STXBP6: variants seen among roughly 807,000 people sequenced by gnomAD.
STXBP6 encodes the protein syntaxin binding protein 6.
A neutral mutation model predicts 26.9 loss-of-function variants in STXBP6; 21 were observed. The observed-to-expected ratio is 0.78, with a 90% CI of 0.55 to 1.12. The LOEUF (loss-of-function observed/expected upper bound fraction) is 1.12. Among genes scored for constraint, STXBP6 ranks in the 50% most tolerant of loss-of-function variants. STXBP6 has a pLI of 0.00. For synonymous variants in STXBP6, 97 were observed against 92.6 expected, an observed-to-expected ratio of 1.05 and a Z score of -0.27; for missense variants, 232 against 257.9, an observed-to-expected ratio of 0.90 and a Z score of 0.69.
At chr14:24,822,849 T>C (rs137989902) in intron 4 of STXBP6, among the ~76,000 whole-genome samples, 6 of 152,238 alleles carry the variant, frequency 3.9e-5, no homozygotes, top group African/African-American at 1.4e-4. Context: ...TAGCACAGCA[T>C]GTTGCTCAGA....
At chr14:24,961,768 C>T (rs1220356203) in intron 2 of STXBP6, among the ~76,000 whole-genome samples, 2 of 151,960 alleles carry the variant, frequency 1.3e-5, no homozygotes, top group African/African-American at 2.4e-5. Flanking sequence ...ATGTAACAAA[C>T]CTGCACGTGT....
rs534504994 is a variant in STXBP6 at position 24,898,926 on chromosome 14, C to T, written c.155-41769G>A. Among the ~76,000 whole-genome samples the T allele has an allele frequency of 4.6e-5, 7 of 152,184 alleles. No homozygotes were observed. In the South Asian group the frequency reaches 1.4e-3, roughly 32 times the overall value. ...CTATAGAAGGAAGAATTTCTATACT[C>T]AGAGGCATCATTACATAGGCATGAT... On this transcript the variant is annotated intron_variant, in intron 2 of 5. Transcript: ENST00000323944.
intron 2 of STXBP6, among the ~76,000 whole-genome samples, chr14:24,939,676 TG>T (rs1225607905): frequency 6.6e-6 from 1 of 152,216 alleles, no homozygotes; most frequent in African/African-American, 2.4e-5. Flanking sequence ...AAACAAAATG[TG>T]GGTAACATTC....
chr14:24,996,885 A>AAG (rs2074618869), intron 1 of STXBP6, among the ~76,000 whole-genome samples: 1 of 151,338 alleles, frequency 6.6e-6, no homozygotes, highest in Non-Finnish European at 1.5e-5. Context: ...AAAAAAAAAA[A>AAG]AGAGAAGGGA....
At chr14:24,999,153 CTG>C (rs1409229793) in intron 1 of STXBP6, among the ~76,000 whole-genome samples, 1 of 152,136 alleles carries the variant, frequency 6.6e-6, no homozygotes, top group African/African-American at 2.4e-5. Flanking sequence ...AGCTGAAAAA[CTG>C]TTAGTCAAAC....
intron 1 of STXBP6, among the ~76,000 whole-genome samples, chr14:25,048,562 A>T (rs1052104257): frequency 6.6e-6 from 1 of 152,204 alleles, no homozygotes. Context: ...AAATCCTGGC[A>T]CTTGAGCAGT....
chr14:24,977,608 C>G (rs1043290549), intron 1 of STXBP6, among the ~76,000 whole-genome samples: 1 of 152,124 alleles, frequency 6.6e-6, no homozygotes, highest in African/African-American at 2.4e-5. Flanking sequence ...CACCTACCTC[C>G]TGGAACTAAA....
At chr14:24,841,095 G>A (rs2068770458) in intron 4 of STXBP6, among the ~76,000 whole-genome samples, 1 of 152,172 alleles carries the variant, frequency 6.6e-6, no homozygotes, top group African/African-American at 2.4e-5. Flanking sequence ...TTTGGGTTCA[G>A]TGTGCTTCAT....
At chr14:24,928,404 C>T (rs887127183) in intron 2 of STXBP6, among the ~76,000 whole-genome samples, 7 of 151,046 alleles carry the variant, frequency 4.6e-5, no homozygotes, top group Non-Finnish European at 8.8e-5. Flanking sequence ...TTTTTTCCTC[C>T]AAGTTTTCTT....
chr14:24,982,206 C>T (rs927415934), intron 1 of STXBP6, among the ~76,000 whole-genome samples: 1 of 152,116 alleles, frequency 6.6e-6, no homozygotes, highest in African/African-American at 2.4e-5. Flanking sequence ...TTTATTGAGA[C>T]CCAATTATAA....
At chr14:24,833,548 G>A (rs955557257) in intron 4 of STXBP6, among the ~76,000 whole-genome samples, 1 of 152,146 alleles carries the variant, frequency 6.6e-6, no homozygotes, top group African/African-American at 2.4e-5. Context: ...AACAATGGAA[G>A]ATATATTTGG....
chr14:24,902,881 T>C (rs2071261250), intron 2 of STXBP6, among the ~76,000 whole-genome samples: 1 of 152,156 alleles, frequency 6.6e-6, no homozygotes, highest in Admixed American at 6.5e-5. Context: ...ACCAGAGTAG[T>C]GGCAGGCCTT....
intron 2 of STXBP6, among the ~76,000 whole-genome samples, chr14:24,919,208 G>A (rs1755693536): frequency 6.6e-6 from 1 of 151,866 alleles, no homozygotes; most frequent in Non-Finnish European, 1.5e-5. Context: ...AGTATTTTCG[G>A]GGCAATTTCT....
At chr14:24,873,796 C>T (rs1455957107) in intron 2 of STXBP6, among the ~76,000 whole-genome samples, 6 of 152,142 alleles carry the variant, frequency 3.9e-5, no homozygotes, top group Non-Finnish European at 5.9e-5. Context: ...CTCTGAATGA[C>T]GGGAACAATG....
At chr14:25,041,311 C>T (rs112731419) in intron 1 of STXBP6, among the ~76,000 whole-genome samples, 11,254 of 151,900 alleles carry the variant, frequency 0.074, 556 homozygotes, top group Non-Finnish European at 0.12. Context: ...AGCAAAACTC[C>T]ATCTCAAATA....
chr14:25,032,956 T>G (rs1397128075), intron 1 of STXBP6, among the ~76,000 whole-genome samples: 1 of 152,328 alleles, frequency 6.6e-6, no homozygotes, highest in East Asian at 1.9e-4. Context: ...TCTTTTCTCT[T>G]GCCCCAGCCA....
At chr14:24,898,671 C>T (rs192747689) in intron 2 of STXBP6, among the ~76,000 whole-genome samples, 20 of 151,748 alleles carry the variant, frequency 1.3e-4, no homozygotes, top group African/African-American at 4.6e-4. Context: ...AGGGATACTC[C>T]ATCTCAAAAA....
chr14:24,857,132 C>T lies in STXBP6; in HGVS notation c.180G>A (p.Ala60=), dbSNP rs370659537. The change falls in exon 3 of 6, where the codon GCG becomes GCA. Residue 60 remains alanine (A), a synonymous_variant. Transcript: ENST00000323944. ...CAAACTGTTTGACCTTTGTGATGGA[C>T]GCCTGTGTGGGTTTCTTGTTTGTCA... ...LSVTNKKPTQ[A]SITKVKQFEG... The T allele has an allele frequency of 3.4e-4, 541 of 1,612,922 alleles. 2 individuals carry two copies. The South Asian group carries it at 5.4e-3, about 16-fold the overall frequency.
rs111698988 is a variant in STXBP6, at chr14:25,010,039, G to C, written c.-32-35189C>G. 2.3e-3 allele frequency among the ~76,000 whole-genome samples: 350 copies of C among 152,262 alleles called. 2 individuals carry two copies. Among genetic ancestry groups the C allele is most frequent in the African/African-American group, 7.6e-3 (314 of 41,552 alleles). ...AAAAGAGGTCTTCAGAGCTTCAAAAGCACACTTGGAGATTCGGACACACCC... is the reference window on the plus strand; with the variant it reads ...AAAAGAGGTCTTCAGAGCTTCAAAACCACACTTGGAGATTCGGACACACCC... On this transcript the variant is annotated intron_variant, in intron 1 of 5. Transcript: ENST00000323944.
Sources: gnomAD v4.1 joint callset for allele counts (sites outside exome capture counted in the v4.1 genomes callset) on GRCh38, gnomAD v4.1.1 for gene constraint, MANE v1.5 for transcripts, NCBI Gene and HGNC (gene_info 2026-07-23, HGNC 2026-07-21) for gene names.